TENM2: variants seen among roughly 807,000 people sequenced by gnomAD.
TENM2 encodes teneurin transmembrane protein 2.
In TENM2, 52 loss-of-function variants were observed where a neutral mutation model predicts 245.2. That is an observed-to-expected ratio of 0.21 (90% confidence interval 0.17 to 0.27). The LOEUF (loss-of-function observed/expected upper bound fraction) is 0.27, where lower values mean the gene tolerates loss of function less well. Among genes scored for constraint, TENM2 ranks in the 10% least tolerant of loss-of-function variants. TENM2 has a pLI of 1.00. For synonymous variants in TENM2, 1,363 were observed against 1,438.9 expected, an observed-to-expected ratio of 0.95 and a Z score of 1.19; for missense variants, 3,046 against 3,666.8, an observed-to-expected ratio of 0.83 and a Z score of 4.37.
chr5:168,198,706 G>T, intron 15 of TENM2, 147 bp from the exon 18 acceptor site: 1 of 969,750 alleles, frequency 1.0e-6, no homozygotes. Context: ...GATAGAGTTT[G>T]GGTTCCAGCC....
intron 1 of TENM2, among the ~76,000 whole-genome samples, chr5:167,325,992 T>C (rs566318844): frequency 1.3e-5 from 2 of 152,278 alleles, no homozygotes; most frequent in South Asian, 4.1e-4. Flanking sequence ...CATGGACCTG[T>C]CTGAAAAGAT....
intron 2 of TENM2, among the ~76,000 whole-genome samples, chr5:167,761,058 G>A (rs1257774852): frequency 6.6e-6 from 1 of 152,130 alleles, no homozygotes; most frequent in Non-Finnish European, 1.5e-5. Flanking sequence ...GACTAAGATA[G>A]TGAGTGAATG....
At chr5:167,330,649 C>T (rs1757387731) in intron 1 of TENM2, among the ~76,000 whole-genome samples, 1 of 152,138 alleles carries the variant, frequency 6.6e-6, no homozygotes, top group South Asian at 2.1e-4. Context: ...GGTAGCTGAA[C>T]TAGATGGCTT....
chr5:167,791,794 C>T (rs77436582), intron 2 of TENM2, among the ~76,000 whole-genome samples: 2,573 of 152,048 alleles, frequency 0.017, 54 homozygotes, highest in East Asian at 0.1. Flanking sequence ...ATCTAGATTT[C>T]CAATTGCTCT....
chr5:167,176,888 G>A, the TENM2 span, among the ~76,000 whole-genome samples: 12 of 151,984 alleles, frequency 7.9e-5, no homozygotes, highest in Admixed American at 7.9e-4. Context: ...GAACGTGGAT[G>A]GGGATACATT....
the TENM2 span, among the ~76,000 whole-genome samples, chr5:167,215,708 A>G: frequency 6.6e-6 from 1 of 152,182 alleles, no homozygotes; most frequent in South Asian, 2.1e-4. Flanking sequence ...TCCCAAGTGA[A>G]TTTCCTAAGA....
chr5:167,263,268 C>T, the TENM2 span, among the ~76,000 whole-genome samples: 764 of 121,886 alleles, frequency 6.3e-3, 1 homozygote, highest in Middle Eastern at 0.011. Flanking sequence ...CCTTATAATG[C>T]TAGCCTTGTA....
At chr5:167,472,927 G>C (rs1274474386) in intron 2 of TENM2, among the ~76,000 whole-genome samples, 1 of 152,130 alleles carries the variant, frequency 6.6e-6, no homozygotes, top group South Asian at 2.1e-4. Flanking sequence ...GTGACTTTCA[G>C]TGTGACCTTG....
At chr5:167,279,302 T>A in the TENM2 span, among the ~76,000 whole-genome samples, 7 of 152,196 alleles carry the variant, frequency 4.6e-5, no homozygotes, top group Admixed American at 3.3e-4. Flanking sequence ...ATTTTATGCC[T>A]TTTGCAAAGT....
intron 13 of TENM2, among the ~76,000 whole-genome samples, chr5:168,167,729 A>C (rs1758432390): frequency 6.6e-6 from 1 of 152,146 alleles, no homozygotes; most frequent in African/African-American, 2.4e-5. Context: ...GTATCATCAT[A>C]ATTGATTGAG....
intron 2 of TENM2, among the ~76,000 whole-genome samples, chr5:167,416,036 G>A (rs1234886300): frequency 6.6e-6 from 1 of 152,170 alleles, no homozygotes. Context: ...CATTTGGAGA[G>A]CCAAGGACTT....
intron 3 of TENM2, among the ~76,000 whole-genome samples, chr5:167,934,057 T>C (rs1778502717): frequency 6.6e-6 from 1 of 152,188 alleles, no homozygotes; most frequent in South Asian, 2.1e-4. Flanking sequence ...TTGCACCTTA[T>C]AGGAGGTGGT....
At chr5:168,070,793 A>AAGAGAG (rs201553774) in intron 7 of TENM2, among the ~76,000 whole-genome samples, 4 of 89,416 alleles carry the variant, frequency 4.5e-5, no homozygotes, top group East Asian at 5.4e-4. Flanking sequence ...GAAAGAAAGA[A>AAGAGAG]AGAGAGAGAG....
chr5:167,997,118 T>C (rs1291282082), intron 5 of TENM2, among the ~76,000 whole-genome samples: 1 of 152,154 alleles, frequency 6.6e-6, no homozygotes, highest in Non-Finnish European at 1.5e-5. Flanking sequence ...GAAAATAAAA[T>C]CTGCATATTA....
chr5:168,147,602 A>G (rs1756215653), intron 12 of TENM2, among the ~76,000 whole-genome samples: 1 of 152,194 alleles, frequency 6.6e-6, no homozygotes, highest in African/African-American at 2.4e-5. Flanking sequence ...GTCTCCGGCA[A>G]TGTCAACTAA....
At chr5:168,193,280 C>T (rs759477113) in intron 14 of TENM2, among the ~76,000 whole-genome samples, 12 of 152,082 alleles carry the variant, frequency 7.9e-5, no homozygotes, top group South Asian at 2.1e-4. Flanking sequence ...TTACAAATAA[C>T]GAAGGACAAA....
chr5:167,596,452 T>A (rs1470263109), intron 2 of TENM2, among the ~76,000 whole-genome samples: 1 of 152,128 alleles, frequency 6.6e-6, no homozygotes, highest in Non-Finnish European at 1.5e-5. Flanking sequence ...TGAGCTAGTT[T>A]CTATTGTTTC....
At chr5:168,004,776 G>T (rs532008203) in intron 5 of TENM2, among the ~76,000 whole-genome samples, 8 of 152,156 alleles carry the variant, frequency 5.3e-5, no homozygotes, top group African/African-American at 1.9e-4. Context: ...CCTATACACT[G>T]CACCTTTAAA....
chr5:168,163,845 G>T (rs1757968064), intron 13 of TENM2, among the ~76,000 whole-genome samples: 1 of 152,118 alleles, frequency 6.6e-6, no homozygotes, highest in African/African-American at 2.4e-5. Flanking sequence ...CTAAGGTTTG[G>T]GTCCTGGACA....
Sources: gnomAD v4.1 joint callset for allele counts (sites outside exome capture counted in the v4.1 genomes callset) on GRCh38, gnomAD v4.1.1 for gene constraint, MANE v1.5 for transcripts, NCBI Gene and HGNC (gene_info 2026-07-23, HGNC 2026-07-21) for gene names.